HS3ST4: variants seen among roughly 807,000 people sequenced by gnomAD.
The protein encoded by HS3ST4 is heparan sulfate glucosamine 3-O-sulfotransferase 4.
A neutral mutation model predicts 29.2 loss-of-function variants in HS3ST4; 17 were observed. The ratio of observed to expected loss-of-function variants is 0.58; its 90% CI spans 0.40 to 0.87. The LOEUF (loss-of-function observed/expected upper bound fraction) is 0.87, where lower values mean the gene tolerates loss of function less well. Ranked by LOEUF, HS3ST4 falls within the 40% of genes least tolerant of loss-of-function variation. The pLI is 0.00. For synonymous variants in HS3ST4, 314 were observed against 285.7 expected (o/e 1.10, Z -1.00); for missense variants, 627 against 634.5 (o/e 0.99, Z 0.13).
chr16:25,968,564 G>A (rs898771392), intron 1 of HS3ST4, among the ~76,000 whole-genome samples: 8 of 152,150 alleles, frequency 5.3e-5, no homozygotes, highest in Non-Finnish European at 7.4e-5. Flanking sequence ...TCATGTATCC[G>A]TATCAATAAG....
At chr16:25,730,552 C>T (rs1235442038) in intron 1 of HS3ST4, among the ~76,000 whole-genome samples, 1 of 146,032 alleles carries the variant, frequency 6.8e-6, no homozygotes, top group Non-Finnish European at 1.5e-5. Context: ...CCTTATCTCC[C>T]TCTGTTCCTC....
intron 1 of HS3ST4, among the ~76,000 whole-genome samples, chr16:26,123,756 A>G (rs1466722841): frequency 6.6e-6 from 1 of 152,178 alleles, no homozygotes; most frequent in Admixed American, 6.5e-5. Context: ...TATAAGTGAG[A>G]ACATGCGATA....
intron 1 of HS3ST4, among the ~76,000 whole-genome samples, chr16:26,105,492 C>T (rs1021734908): frequency 7.2e-5 from 11 of 152,164 alleles, no homozygotes; most frequent in African/African-American, 2.2e-4. Context: ...CCTGTGATTC[C>T]GAAATAAAAG....
chr16:25,974,120 A>T (rs1968921237), intron 1 of HS3ST4, among the ~76,000 whole-genome samples: 1 of 152,320 alleles, frequency 6.6e-6, no homozygotes, highest in East Asian at 1.9e-4. Context: ...TTTCAGATTT[A>T]TACATTATCC....
chr16:25,874,315 G>T (rs1346338700), intron 1 of HS3ST4, among the ~76,000 whole-genome samples: 1 of 152,136 alleles, frequency 6.6e-6, no homozygotes. Flanking sequence ...AGTAGCTGGG[G>T]TTATTCTCAT....
chr16:25,697,049 C>G (rs1352295853), intron 1 of HS3ST4, among the ~76,000 whole-genome samples: 1 of 152,190 alleles, frequency 6.6e-6, no homozygotes, highest in Non-Finnish European at 1.5e-5. Context: ...GATTTCTTCC[C>G]TTGTACCACA....
intron 1 of HS3ST4, among the ~76,000 whole-genome samples, chr16:25,922,143 G>A (rs4533289): frequency 0.17 from 26,594 of 152,068 alleles, 2,817 homozygotes; most frequent in Admixed American, 0.29. Context: ...CTCTGTTTGT[G>A]TCTTTTGGCT....
At chr16:26,063,219 G>C (rs1386616023) in intron 1 of HS3ST4, 2 of 152,430 alleles carry the variant, frequency 1.3e-5, no homozygotes, top group African/African-American at 4.8e-5. Context: ...GAATTTCTGG[G>C]AAAGTCTGAC....
At chr16:25,824,218 C>A (rs1967193367) in intron 1 of HS3ST4, among the ~76,000 whole-genome samples, 1 of 151,394 alleles carries the variant, frequency 6.6e-6, no homozygotes, top group African/African-American at 2.4e-5. Context: ...CAGGATACCT[C>A]CAGGGAGAAC....
intron 1 of HS3ST4, among the ~76,000 whole-genome samples, chr16:25,926,817 C>T (rs892778083): frequency 6.6e-6 from 1 of 152,164 alleles, no homozygotes; most frequent in African/African-American, 2.4e-5. Flanking sequence ...ATGGTTTGCC[C>T]ATAAGACCCA....
At chr16:26,050,505 A>G (rs1898329165) in intron 1 of HS3ST4, among the ~76,000 whole-genome samples, 1 of 152,208 alleles carries the variant, frequency 6.6e-6, no homozygotes, top group Non-Finnish European at 1.5e-5. Context: ...AGAAGCAAAT[A>G]GCGAATGATA....
intron 1 of HS3ST4, among the ~76,000 whole-genome samples, chr16:25,981,958 T>G (rs2141722926): frequency 6.6e-6 from 1 of 152,284 alleles, no homozygotes; most frequent in Admixed American, 6.5e-5. Flanking sequence ...ACAGCTGCAG[T>G]CACTTTCCAT....
chr16:25,840,548 C>T (rs141205125), intron 1 of HS3ST4, among the ~76,000 whole-genome samples: 1 of 152,296 alleles, frequency 6.6e-6, no homozygotes, highest in African/African-American at 2.4e-5. Context: ...TTCTTAGATA[C>T]TATCATATTA....
intron 1 of HS3ST4, among the ~76,000 whole-genome samples, chr16:26,102,577 C>T (rs1386297872): frequency 3.3e-5 from 5 of 152,118 alleles, no homozygotes; most frequent in African/African-American, 1.2e-4. Flanking sequence ...CTCTTTATCC[C>T]GTTCAAGATC....
At chr16:25,837,518 C>T (rs1967369494) in intron 1 of HS3ST4, among the ~76,000 whole-genome samples, 1 of 152,138 alleles carries the variant, frequency 6.6e-6, no homozygotes, top group Non-Finnish European at 1.5e-5. Flanking sequence ...GATATGCTGA[C>T]ATTATAGTAG....
At chr16:26,019,877 C>T (rs926117200) in intron 1 of HS3ST4, among the ~76,000 whole-genome samples, 2 of 152,154 alleles carry the variant, frequency 1.3e-5, no homozygotes, top group Admixed American at 1.3e-4. Context: ...CATTCTGACT[C>T]GCATCACACA....
At chr16:26,070,079 G>A (rs1405480678) in intron 1 of HS3ST4, among the ~76,000 whole-genome samples, 2 of 152,062 alleles carry the variant, frequency 1.3e-5, no homozygotes, top group Admixed American at 6.5e-5. Context: ...CCCAGTAATG[G>A]GATGGCTGGG....
intron 1 of HS3ST4, among the ~76,000 whole-genome samples, chr16:25,991,267 C>T (rs1438876283): frequency 6.6e-6 from 1 of 152,184 alleles, no homozygotes; most frequent in Non-Finnish European, 1.5e-5. Flanking sequence ...TTTCTTGCTT[C>T]AATTAATGCA....
intron 1 of HS3ST4, among the ~76,000 whole-genome samples, chr16:25,889,159 C>A (rs1032835302): frequency 4.6e-5 from 7 of 152,192 alleles, no homozygotes; most frequent in African/African-American, 1.4e-4. Flanking sequence ...AAATTGATTT[C>A]TTTAATGGGG....
Sources: gnomAD v4.1 joint callset for allele counts (sites outside exome capture counted in the v4.1 genomes callset) on GRCh38, gnomAD v4.1.1 for gene constraint, MANE v1.5 for transcripts, NCBI Gene and HGNC (gene_info 2026-07-23, HGNC 2026-07-21) for gene names.